COL5A2: variants seen among roughly 807,000 people sequenced by gnomAD.
COL5A2 encodes collagen type V alpha 2 chain.
COL5A2 carries 23 observed loss-of-function variants against 208.2 expected under a neutral mutation model. The ratio of observed to expected loss-of-function variants is 0.11; its 90% CI spans 0.08 to 0.16. The LOEUF is 0.16. COL5A2 is among the 10% of genes least tolerant of loss of function. COL5A2 has a pLI of 1.00. For synonymous variants in COL5A2, 625 were observed against 628.5 expected (o/e 0.99, Z 0.08); for missense variants, 1,590 against 1,956.4 (o/e 0.81, Z 3.53).
intron 9 of COL5A2, among the ~76,000 whole-genome samples, chr2:189,086,092 T>C (rs1227645415): frequency 6.6e-6 from 1 of 152,202 alleles, no homozygotes; most frequent in African/African-American, 2.4e-5. Context: ...ATCACCATCA[T>C]CAACCACATT....
intron 16 of COL5A2, among the ~76,000 whole-genome samples, chr2:189,077,956 G>C (rs1686446847): frequency 6.6e-6 from 1 of 152,168 alleles, no homozygotes; most frequent in Non-Finnish European, 1.5e-5. Context: ...ATTGCGAAAA[G>C]AATAATTAGA....
chr2:189,330,084 C>T, the COL5A2 span, among the ~76,000 whole-genome samples: 1 of 152,044 alleles, frequency 6.6e-6, no homozygotes, highest in Non-Finnish European at 1.5e-5. Flanking sequence ...TTCTGGTATG[C>T]CTTATAAAAG....
intron 1 of COL5A2, among the ~76,000 whole-genome samples, chr2:189,123,598 A>G (rs1687552703): frequency 6.6e-6 from 1 of 152,180 alleles, no homozygotes; most frequent in Non-Finnish European, 1.5e-5. Context: ...CCCCTAGGAA[A>G]GTAACACAGG....
intron 17 of COL5A2, among the ~76,000 whole-genome samples, chr2:189,074,989 ATGG>A (rs1378172418): frequency 6.6e-6 from 1 of 152,156 alleles, no homozygotes; most frequent in African/African-American, 2.4e-5. Context: ...ACCATTTAAC[ATGG>A]TAAGTATAAC....
chr2:189,403,078 A>C, the COL5A2 span, among the ~76,000 whole-genome samples: 4 of 151,936 alleles, frequency 2.6e-5, no homozygotes, highest in Admixed American at 6.6e-5. Flanking sequence ...TGTCATCTCT[A>C]ATTTCTTTGA....
At chr2:189,386,507 G>C in the COL5A2 span, among the ~76,000 whole-genome samples, 1 of 152,060 alleles carries the variant, frequency 6.6e-6, no homozygotes, top group African/African-American at 2.4e-5. Flanking sequence ...AAGAGCTTGT[G>C]CACAGCAAAA....
At chr2:189,290,758 T>TCACACACACACAC in the COL5A2 span, among the ~76,000 whole-genome samples, 1 of 51,300 alleles carries the variant, frequency 1.9e-5, no homozygotes, top group African/African-American at 6.4e-5. Context: ...ACACACACAT[T>TCACACACACACAC]ATTATATACA....
chr2:189,122,261 C>T (rs1687516649), intron 1 of COL5A2, among the ~76,000 whole-genome samples: 1 of 152,074 alleles, frequency 6.6e-6, no homozygotes, highest in Non-Finnish European at 1.5e-5. Context: ...AAGATGGTAT[C>T]ACTATAAGCT....
chr2:189,415,545 T>C, the COL5A2 span, among the ~76,000 whole-genome samples: 1 of 152,238 alleles, frequency 6.6e-6, no homozygotes, highest in Non-Finnish European at 1.5e-5. Context: ...GTCAGTGGAT[T>C]TGTAATTGTC....
chr2:189,228,512 C>T (rs575742334), upstream of COL5A2, among the ~76,000 whole-genome samples: 4 of 151,848 alleles, frequency 2.6e-5, no homozygotes, highest in South Asian at 8.3e-4. Context: ...TGAGAGACTA[C>T]CATGAACAAT....
intron 1 of COL5A2, among the ~76,000 whole-genome samples, chr2:189,161,189 A>G (rs1688357068): frequency 6.6e-6 from 1 of 150,960 alleles, no homozygotes; most frequent in Admixed American, 6.6e-5. Context: ...GTTACTATAC[A>G]TCTATCCTTT....
At chr2:189,395,850 T>C in the COL5A2 span, among the ~76,000 whole-genome samples, 1 of 123,504 alleles carries the variant, frequency 8.1e-6, no homozygotes, top group South Asian at 2.6e-4. Context: ...AAGTGGAGGT[T>C]GCAGTGAGCT....
chr2:189,197,295 C>A (rs962526989), intron 1 of COL5A2, among the ~76,000 whole-genome samples: 9 of 151,872 alleles, frequency 5.9e-5, no homozygotes, highest in South Asian at 2.1e-4. Flanking sequence ...GGTTGGGGTG[C>A]GATGGGAGAG....
chr2:189,413,145 G>A, the COL5A2 span, among the ~76,000 whole-genome samples: 12 of 152,202 alleles, frequency 7.9e-5, no homozygotes, highest in East Asian at 1.9e-3. Flanking sequence ...AAGATAGGTC[G>A]GGTCAATTTA....
intron 2 of COL5A2, among the ~76,000 whole-genome samples, chr2:189,109,449 C>A (rs187120255): frequency 6.6e-6 from 1 of 151,350 alleles, no homozygotes; most frequent in Non-Finnish European, 1.5e-5. Flanking sequence ...CTGTTATTTG[C>A]AATGAAATTT....
the COL5A2 span, among the ~76,000 whole-genome samples, chr2:189,330,322 A>C: frequency 6.6e-6 from 1 of 152,186 alleles, no homozygotes; most frequent in Non-Finnish European, 1.5e-5. Context: ...GGCTAAACAC[A>C]GGGAATGAAA....
chr2:189,200,637 A>G (rs971203295), intron 1 of COL5A2, among the ~76,000 whole-genome samples: 3 of 146,370 alleles, frequency 2.0e-5, no homozygotes, highest in African/African-American at 7.6e-5. Flanking sequence ...AGCTCAGAAA[A>G]TGTCAAGCAG....
the COL5A2 span, among the ~76,000 whole-genome samples, chr2:189,306,392 C>T: frequency 6.6e-6 from 1 of 152,208 alleles, no homozygotes; most frequent in South Asian, 2.1e-4. Flanking sequence ...ATTCTTTCCA[C>T]AGGTGTTGAT....
the COL5A2 span, among the ~76,000 whole-genome samples, chr2:189,242,584 T>C: frequency 6.6e-6 from 1 of 152,192 alleles, no homozygotes; most frequent in African/African-American, 2.4e-5. Context: ...CCATTCTTCA[T>C]GGTCTAACTC....
Sources: gnomAD v4.1 joint callset for allele counts (sites outside exome capture counted in the v4.1 genomes callset) on GRCh38, gnomAD v4.1.1 for gene constraint, MANE v1.5 for transcripts, NCBI Gene and HGNC (gene_info 2026-07-23, HGNC 2026-07-21) for gene names.